GPR173: variants seen among roughly 807,000 people sequenced by gnomAD.
The protein encoded by GPR173 is probable G protein-coupled receptor 173.
GPR173 carries 2 observed loss-of-function variants against 13.9 expected under a neutral mutation model. The ratio of observed to expected loss-of-function variants is 0.14; its 90% CI spans 0.06 to 0.45. GPR173 has a LOEUF of 0.45. Among genes scored for constraint, GPR173 ranks in the 20% least tolerant of loss-of-function variants. The probability of loss-of-function intolerance (pLI) is 0.98; values close to 1 mark genes in which losing one functional copy is unlikely to be tolerated. For missense variants in GPR173, 202 were observed against 340.5 expected (o/e 0.59, Z 3.20); for synonymous variants, 131 against 141.0 (o/e 0.93, Z 0.50).
Position 53,077,027 on chromosome X carries a change from A to C in GPR173, c.406A>C (p.Thr136Pro). ...AHHRFYAKRM[T>P]LWTCAAVICM... ...CCACCGCTTCTACGCCAAGCGCATG[A>C]CACTCTGGACATGCGCGGCTGTCAT... The change falls in exon 2 of 2, where the codon ACA (threonine) becomes CCA (proline). Residue 136 changes from threonine to proline, a missense_variant. Physicochemically the swap from Thr to Pro is conservative, Grantham distance 38. This residue lies in a region of GPR173 where 98 missense variants were observed against 137.2 expected (regional missense o/e 0.71). Transcript: ENST00000332582. 8.3e-7 allele frequency: 1 copy of C among 1,208,549 alleles called. No homozygotes were observed. The highest frequency in any genetic ancestry group is 1.1e-6 in the Non-Finnish European group (1 of 893,411).
Position 53,076,668 on chromosome X carries a change from C to T in GPR173, c.47C>T (p.Ser16Phe), listed in dbSNP as rs1556805854. The T allele has an allele frequency of 1.7e-6, 2 of 1,201,805 alleles. No homozygotes were observed. Among genetic ancestry groups the T allele is most frequent in the East Asian group, 3.0e-5 (1 of 33,647 alleles). ...CCTGAGGAGGTGAGCGGCGCTCTGT[C>T]CCCACCGTCCGCATCAGCTTATGTG... ...GEPEEVSGAL[S>F]PPSASAYVKL... Residue 16 changes from serine to phenylalanine, a missense_variant, in exon 2 of 2, where the codon TCC becomes TTC. By Grantham distance (155) the Ser-to-Phe change is radical. Around this residue, in one of 3 missense-constraint regions of GPR173, gnomAD observed 98 missense variants for 137.2 expected, o/e 0.71. Coordinates refer to ENST00000332582, the MANE Select transcript of GPR173 (RefSeq NM_018969.6).
At position 53,077,719 on chromosome X, in the gene GPR173, C is replaced by T. The variant is rs1602097769; in HGVS notation, c.1098C>T (p.Pro366=). 3 of 1,208,776 alleles carry T rather than the reference C, an allele frequency of 2.5e-6. No individual in the cohort carries two copies. The highest frequency in any genetic ancestry group is 3.4e-6 in the Non-Finnish European group (3 of 893,562). ...PCWGTGGAPA[P]REPYCVM ...GGGGCACAGGAGGTGCCCCGGCTCC[C>T]AGAGAACCCTACTGTGTCATGTGAA... is the stretch of plus-strand genomic sequence containing the variant. The change falls in exon 2 of 2, where the codon CCC becomes CCT. Residue 366 remains proline, a synonymous_variant. Transcript: ENST00000332582.
At chrX:53,056,953 T>A (rs782799959) in intron 1 of GPR173, among the ~76,000 whole-genome samples, 2 of 111,603 alleles carry the variant, frequency 1.8e-5, no homozygotes, top group Non-Finnish European at 3.8e-5. Flanking sequence ...GTAAGTTGGA[T>A]CTGCAAGGTC....
chrX:53,067,525 C>G (rs1041248647), intron 1 of GPR173, among the ~76,000 whole-genome samples: 6 of 112,469 alleles, frequency 5.3e-5, no homozygotes, highest in Non-Finnish European at 9.4e-5. Context: ...TCTCTGCATT[C>G]TTAAGAAAGC....
At position 53,048,936 on chromosome X, in the gene GPR173, GC is replaced by G. The variant is rs1433871467; in HGVS notation, c.-644del. 9.0e-6 allele frequency among the ~76,000 whole-genome samples: 1 copy of G among 110,693 alleles called. No homozygotes were observed. The highest frequency in any genetic ancestry group is 1.9e-5 in the Non-Finnish European group (1 of 52,521). ...CCCCCCCAACCTGGGGCTCTCCCAG[GC>G]CATGGCCCGTGTGCTCCCAGGGAGG... On this transcript the variant is annotated 5_prime_UTR_variant, in exon 1 of 2. It removes the in-frame stop codon of an upstream open reading frame in the 5' UTR. Transcript: ENST00000332582.
chrX:53,077,959 C>A lies in GPR173; in HGVS notation c.*216C>A, dbSNP rs1556806122. ...AAGAGGCATATTTAGTTTTGTGGGG[C>A]CTGTCTCCGCTGCCTCCTTCTCCAC... On this transcript the variant is annotated 3_prime_UTR_variant, in exon 2 of 2. Coordinates refer to ENST00000332582, the MANE Select transcript of GPR173 (RefSeq NM_018969.6). 8 of 412,365 alleles carry A rather than the reference C, an allele frequency of 1.9e-5. No homozygotes were observed. Among genetic ancestry groups the A allele is most frequent in the Non-Finnish European group, 2.2e-5 (5 of 231,721 alleles). The allele number at this position is 412,365 out of a possible 1,213,427, so 34.0% of individuals were successfully genotyped here. A position where few individuals can be genotyped will look rare whatever the true frequency, so the allele number is the denominator to read the frequency against.
intron 1 of GPR173, among the ~76,000 whole-genome samples, chrX:53,062,057 C>T (rs1244717398): frequency 2.7e-5 from 3 of 109,295 alleles, no homozygotes; most frequent in South Asian, 7.8e-4. Context: ...ATCAGGAACC[C>T]TTCTTATGAT....
At chrX:53,050,389 T>C (rs889538466) in intron 1 of GPR173, among the ~76,000 whole-genome samples, 10 of 112,274 alleles carry the variant, frequency 8.9e-5, no homozygotes, top group African/African-American at 3.2e-4. Flanking sequence ...CCGGATCTTG[T>C]GGCCTTGTGC....
chrX:53,074,258 A>G (rs1602095760), intron 1 of GPR173, among the ~76,000 whole-genome samples: 1 of 94,084 alleles, frequency 1.1e-5, no homozygotes, highest in Non-Finnish European at 2.0e-5. Flanking sequence ...ATACATTTAT[A>G]TTTATTCATA....
chrX:53,077,624 G>A lies in GPR173; in HGVS notation c.1003G>A (p.Val335Ile), dbSNP rs781986623. 1.5e-5 allele frequency: 18 copies of A among 1,209,868 alleles called. No individual in the cohort carries two copies. Among genetic ancestry groups the A allele is most frequent in the Admixed American group, 8.7e-5 (4 of 45,927 alleles). ...AVWMSFAQAA[V>I]NPIVCFLLNK... ...TTGGATGAGCTTCGCCCAGGCTGCC[G>A]TCAACCCAATTGTCTGCTTCCTGCT... is the stretch of plus-strand genomic sequence containing the variant. The change falls in exon 2 of 2, where the codon GTC becomes ATC. Residue 335 changes from valine (V) to isoleucine (I), a missense_variant. Transcript: ENST00000332582.
At chrX:53,073,517 T>C (rs1388531566) in intron 1 of GPR173, among the ~76,000 whole-genome samples, 1 of 109,829 alleles carries the variant, frequency 9.1e-6, no homozygotes, top group Non-Finnish European at 1.9e-5. Context: ...CACCACCAGA[T>C]GTACCCCCCA....
At chrX:53,054,148 A>ATGTGTGTGTGTG (rs782051170) in intron 1 of GPR173, among the ~76,000 whole-genome samples, 17 of 106,671 alleles carry the variant, frequency 1.6e-4, no homozygotes, top group African/African-American at 4.8e-4. Flanking sequence ...GTGTGTGTGT[A>ATGTGTGTGTGTG]TGTGTGTGTG....
chrX:53,073,374 A>G (rs1602094643), intron 1 of GPR173, among the ~76,000 whole-genome samples: 2 of 110,625 alleles, frequency 1.8e-5, no homozygotes, highest in East Asian at 2.8e-4. Flanking sequence ...CCCAGCCCCA[A>G]CAATCATCCT....
chrX:53,055,889 AGT>A lies in GPR173; in HGVS notation c.-98+6430_-98+6431del, dbSNP rs112784276. Among the ~76,000 whole-genome samples the A allele has an allele frequency of 7.2e-3, 699 of 97,220 alleles. 3 individuals are homozygous for A. Among genetic ancestry groups the A allele is most frequent in the South Asian group, 0.019 (40 of 2,061 alleles). 84.4% of individuals were successfully genotyped at this position (97,220 alleles called of 115,157 possible). The stretch of plus-strand genomic sequence containing the variant: ...GCTGTAAGAGTGGGGCTGTATTTGG[AGT>A]GTGTGTGTGTGTGTGTGTGTGTGTA... On this transcript the variant is annotated intron_variant, in intron 1 of 1. Transcript: ENST00000332582.
At chrX:53,069,598 T>C (rs782702964) in intron 1 of GPR173, among the ~76,000 whole-genome samples, 3 of 112,723 alleles carry the variant, frequency 2.7e-5, no homozygotes, top group Non-Finnish European at 5.6e-5. Context: ...GATGTGTATG[T>C]CAGTTAAGTG....
chrX:53,073,248 C>T (rs782184898), intron 1 of GPR173, among the ~76,000 whole-genome samples: 103 of 108,709 alleles, frequency 9.5e-4, no homozygotes, highest in Non-Finnish European at 1.8e-3. Flanking sequence ...GGCCGGGCAC[C>T]AGGTGGCTGT....
At chrX:53,075,835 G>A (rs1311687104) in intron 1 of GPR173, among the ~76,000 whole-genome samples, 1 of 111,668 alleles carries the variant, frequency 9.0e-6, no homozygotes, top group African/African-American at 3.3e-5. Context: ...AAGAACACAT[G>A]AAAGAGAATA....
chrX:53,053,525 C>T (rs973908691), intron 1 of GPR173, among the ~76,000 whole-genome samples: 12 of 113,305 alleles, frequency 1.1e-4, no homozygotes, highest in African/African-American at 3.5e-4. Flanking sequence ...TGGATGTACA[C>T]GTATGACTAA....
At chrX:53,055,120 G>C (rs1932014962) in intron 1 of GPR173, among the ~76,000 whole-genome samples, 1 of 108,984 alleles carries the variant, frequency 9.2e-6, no homozygotes, top group South Asian at 4.1e-4. Flanking sequence ...GTGATTAAGA[G>C]AGAATTGGGG....
Sources: allele counts gnomAD v4.1 joint callset (sites outside exome capture counted in the v4.1 genomes callset), GRCh38; gene constraint gnomAD v4.1.1; regional missense constraint gnomAD v4.1.1; transcripts MANE v1.5; gene names NCBI Gene and HGNC (gene_info 2026-07-23, HGNC 2026-07-21).